SPTLC3: variants seen among roughly 807,000 people sequenced by gnomAD.
SPTLC3 encodes serine palmitoyltransferase long chain base subunit 3.
A neutral mutation model predicts 59.3 loss-of-function variants in SPTLC3; 36 were observed. The observed-to-expected ratio is 0.61, with a 90% CI of 0.47 to 0.80. The LOEUF (loss-of-function observed/expected upper bound fraction) is 0.80. Among genes scored for constraint, SPTLC3 ranks in the 30% least tolerant of loss-of-function variants. SPTLC3 has a pLI of 0.00. For missense variants in SPTLC3, 625 were observed against 685.1 expected (o/e 0.91, Z 0.98); for synonymous variants, 257 against 240.8 (o/e 1.07, Z -0.62).
chr20:13,152,594 C>T (rs1276788751), intron 9 of SPTLC3, among the ~76,000 whole-genome samples: 2 of 152,288 alleles, frequency 1.3e-5, no homozygotes, highest in East Asian at 3.9e-4. Context: ...ATAATTATCC[C>T]ATGCTTAGAC....
At chr20:13,046,659 T>G (rs1269988512) in intron 1 of SPTLC3, among the ~76,000 whole-genome samples, 1 of 152,038 alleles carries the variant, frequency 6.6e-6, no homozygotes. Context: ...AAAGTTCAAG[T>G]GCAGAACAGA....
At chr20:13,069,324 C>T (rs569167097) in intron 2 of SPTLC3, among the ~76,000 whole-genome samples, 1 of 152,200 alleles carries the variant, frequency 6.6e-6, no homozygotes, top group East Asian at 1.9e-4. Flanking sequence ...TCCTCATGGG[C>T]CGAGTGGGTG....
In SPTLC3 at chr20:13,107,384, G is replaced by A. The variant is rs192656005; in HGVS notation, c.827-2728G>A. 2.8e-3 allele frequency among the ~76,000 whole-genome samples: 426 copies of A among 152,262 alleles called. 1 individual carries two copies. Among genetic ancestry groups the A allele is most frequent in the Middle Eastern group, 6.8e-3 (2 of 294 alleles). ...AGAATACTAGAAATAGTGGGAAAAG[G>A]AATAAGAAAAACTAATGAAAAATGG... On this transcript the variant is annotated intron_variant, in intron 6 of 11. Coordinates refer to ENST00000399002, the MANE Select transcript of SPTLC3 (RefSeq NM_018327.4).
intron 1 of SPTLC3, among the ~76,000 whole-genome samples, chr20:13,047,291 G>A (rs1032550071): frequency 2.6e-5 from 4 of 151,978 alleles, no homozygotes; most frequent in Non-Finnish European, 4.4e-5. Context: ...AATATGCTCT[G>A]GAAAACTGTG....
chr20:13,016,907 T>A (rs2122370744), intron 1 of SPTLC3, among the ~76,000 whole-genome samples: 1 of 152,286 alleles, frequency 6.6e-6, no homozygotes, highest in African/African-American at 2.4e-5. Context: ...TATGAGGTAT[T>A]ATTTTTGGAC....
chr20:13,097,003 G>C (rs547818938), intron 6 of SPTLC3, among the ~76,000 whole-genome samples: 1 of 151,998 alleles, frequency 6.6e-6, no homozygotes, highest in African/African-American at 2.4e-5. Flanking sequence ...GGTTGGAAAA[G>C]GCATATAAGT....
intron 6 of SPTLC3, among the ~76,000 whole-genome samples, chr20:13,103,703 G>A (rs1057132127): frequency 6.6e-6 from 1 of 152,222 alleles, no homozygotes; most frequent in African/African-American, 2.4e-5. Flanking sequence ...GGATCCATAG[G>A]AGAGGGAGCA....
At chr20:13,070,447 A>G (rs1422828775) in intron 2 of SPTLC3, among the ~76,000 whole-genome samples, 1 of 152,176 alleles carries the variant, frequency 6.6e-6, no homozygotes, top group Non-Finnish European at 1.5e-5. Flanking sequence ...TTCTGCAATG[A>G]ACCAGTGCAG....
intron 6 of SPTLC3, among the ~76,000 whole-genome samples, chr20:13,105,900 TC>T (rs1989864864): frequency 6.6e-6 from 1 of 152,174 alleles, no homozygotes; most frequent in Admixed American, 6.5e-5. Flanking sequence ...GAAGACTGGT[TC>T]TCCAAGTCGC....
At chr20:13,043,760 G>A (rs370454346) in intron 1 of SPTLC3, among the ~76,000 whole-genome samples, 2 of 152,070 alleles carry the variant, frequency 1.3e-5, no homozygotes, top group African/African-American at 2.4e-5. Context: ...ATTAGTAACC[G>A]AAGTCACCAC....
intron 2 of SPTLC3, among the ~76,000 whole-genome samples, chr20:13,056,231 G>T (rs1987717981): frequency 6.6e-6 from 1 of 152,058 alleles, no homozygotes; most frequent in Non-Finnish European, 1.5e-5. Context: ...AAAATAAATG[G>T]TTTCCATCCT....
At chr20:13,094,870 C>T (rs147406736) in intron 6 of SPTLC3, among the ~76,000 whole-genome samples, 14 of 152,290 alleles carry the variant, frequency 9.2e-5, no homozygotes, top group Non-Finnish European at 1.5e-4. Context: ...CCCCCTCAGA[C>T]TTATAGGGTG....
In SPTLC3 at chr20:13,088,483, C is replaced by T. The variant is rs190542184; in HGVS notation, c.608-2600C>T. Among the ~76,000 whole-genome samples the T allele has an allele frequency of 1.8e-4, 27 of 152,020 alleles. No individual in the cohort carries two copies. In the East Asian group the frequency reaches 3.7e-3, roughly 21 times the overall value. On this transcript the variant is annotated intron_variant, in intron 4 of 11. Coordinates refer to ENST00000399002, the MANE Select transcript of SPTLC3 (RefSeq NM_018327.4). The stretch of plus-strand genomic sequence containing the variant: ...CCGAGTAGCTGGGACTACAGGCGCC[C>T]GCCACCACGCCCAGCTAATTTTTCG...
chr20:13,106,408 G>A (rs952507997), intron 6 of SPTLC3, among the ~76,000 whole-genome samples: 3 of 152,268 alleles, frequency 2.0e-5, no homozygotes, highest in African/African-American at 7.2e-5. Flanking sequence ...AGACAAGTCG[G>A]GAGGGACACC....
intron 1 of SPTLC3, among the ~76,000 whole-genome samples, chr20:13,021,883 G>C (rs1985904827): frequency 6.6e-6 from 1 of 152,176 alleles, no homozygotes; most frequent in Non-Finnish European, 1.5e-5. Flanking sequence ...AGATAGATTA[G>C]ATGGATGATA....
At chr20:13,092,482 A>G (rs1989260436) in intron 5 of SPTLC3, among the ~76,000 whole-genome samples, 1 of 152,258 alleles carries the variant, frequency 6.6e-6, no homozygotes, top group Non-Finnish European at 1.5e-5. Flanking sequence ...AGCTTAAGAC[A>G]TCATTAGAAA....
chr20:13,012,273 GT>G lies in SPTLC3; in HGVS notation c.117+2892del, dbSNP rs573956015. On this transcript the variant is annotated intron_variant, in intron 1 of 11. Coordinates refer to ENST00000399002, the MANE Select transcript of SPTLC3 (RefSeq NM_018327.4). Reference sequence around the variant, plus strand: ...CATCCCTTTCCTGGAAAACAAAAATGTTTGGGGATTAGAGTTACTCTAATTC... The same window carrying G: ...CATCCCTTTCCTGGAAAACAAAAATGTTGGGGATTAGAGTTACTCTAATTC... Among the ~76,000 whole-genome samples the G allele has an allele frequency of 3.3e-5, 5 of 152,278 alleles. No homozygotes were observed. In the East Asian group the frequency reaches 9.7e-4, roughly 29 times the overall value.
At chr20:13,163,712 GA>G (rs761101860) in intron 11 of SPTLC3, among the ~76,000 whole-genome samples, 1 of 151,650 alleles carries the variant, frequency 6.6e-6, no homozygotes, top group Non-Finnish European at 1.5e-5. Flanking sequence ...TCCCAAAGAG[GA>G]AAGTCCATAA....
At chr20:13,027,112 C>T (rs1167470090) in intron 1 of SPTLC3, among the ~76,000 whole-genome samples, 1 of 152,170 alleles carries the variant, frequency 6.6e-6, no homozygotes, top group African/African-American at 2.4e-5. Flanking sequence ...TTCTGGCTGG[C>T]TCATCTCTCC....
Sources: allele counts gnomAD v4.1 joint callset (sites outside exome capture counted in the v4.1 genomes callset), GRCh38; gene constraint gnomAD v4.1.1; transcripts MANE v1.5; gene names NCBI Gene and HGNC (gene_info 2026-07-23, HGNC 2026-07-21).